TMEM114: variants seen among roughly 807,000 people sequenced by gnomAD.
The protein encoded by TMEM114 is claudin-26.
Under a neutral mutation model 6.2 loss-of-function variants are expected in TMEM114, and 6 were observed. The observed-to-expected ratio is 0.97, with a 90% CI of 0.53 to 1.91. The LOEUF (loss-of-function observed/expected upper bound fraction) is 1.91. TMEM114 is among the 40% of genes most tolerant of loss of function. The pLI, the probability that TMEM114 is intolerant of heterozygous loss-of-function variation, is 0.01. For missense variants in TMEM114, 218 were observed against 158.3 expected, an observed-to-expected ratio of 1.38 and a Z score of -2.02; for synonymous variants, 104 against 73.0, an observed-to-expected ratio of 1.42 and a Z score of -2.16.
chr16:8,556,078 A>T (rs1022787249), intron 2 of TMEM114, among the ~76,000 whole-genome samples: 28 of 152,054 alleles, frequency 1.8e-4, no homozygotes, highest in African/African-American at 6.5e-4. Context: ...TACCATCCAT[A>T]CTCATATTTC....
intron 2 of TMEM114, among the ~76,000 whole-genome samples, chr16:8,551,279 G>T (rs1900835609): frequency 6.6e-6 from 1 of 152,158 alleles, no homozygotes; most frequent in East Asian, 1.9e-4. Flanking sequence ...ATGGCTGCAA[G>T]CAAGACCCTC....
At chr16:8,583,618 C>T (rs13335105) in intron 2 of TMEM114, among the ~76,000 whole-genome samples, 2,137 of 152,146 alleles carry the variant, frequency 0.014, 34 homozygotes, top group African/African-American at 0.048. Context: ...TGTAATGGTG[C>T]ACATCTGTGG....
rs8061046 is a variant in TMEM114 at position 8,552,961 on chromosome 16, C to G, written n.213-15135G>C. Reference sequence around the variant, plus strand: ...TAAGCTGCCTGTATTTAAACTTTCCCCGAGTGATCTCCATCCTTTTATCCA... The same window carrying G: ...TAAGCTGCCTGTATTTAAACTTTCCGCGAGTGATCTCCATCCTTTTATCCA... On this transcript the variant is annotated intron_variant and non_coding_transcript_variant, in intron 2 of 2. Coordinates refer to the TMEM114 transcript ENST00000623677. Among the ~76,000 whole-genome samples, 666 of 152,324 alleles carry G rather than the reference C, an allele frequency of 4.4e-3. 5 individuals carry two copies. The highest frequency in any genetic ancestry group is 0.015 in the African/African-American group (631 of 41,570).
the TMEM114 span, among the ~76,000 whole-genome samples, chr16:8,527,569 T>A: frequency 8.8e-4 from 134 of 152,312 alleles, no homozygotes; most frequent in African/African-American, 3.2e-3. Context: ...GAATTTTGCG[T>A]GTTTTTAGCC....
chr16:8,535,128 T>A (rs1233993805), downstream of TMEM114, among the ~76,000 whole-genome samples: 1 of 152,114 alleles, frequency 6.6e-6, no homozygotes, highest in South Asian at 2.1e-4. Context: ...AGTCTCTGAG[T>A]CTCTGTGTCC....
At chr16:8,548,361 G>C (rs1417449643) in intron 2 of TMEM114, among the ~76,000 whole-genome samples, 1 of 152,170 alleles carries the variant, frequency 6.6e-6, no homozygotes, top group Non-Finnish European at 1.5e-5. Context: ...TGAGTGCCGG[G>C]TGGCACCTCT....
At chr16:8,535,826 G>T (rs1229044377), downstream of TMEM114, among the ~76,000 whole-genome samples, 3 of 152,194 alleles carry the variant, frequency 2.0e-5, no homozygotes, top group East Asian at 5.8e-4. Flanking sequence ...AACACAAAGG[G>T]CTGAGAATCA....
At chr16:8,541,559 A>C (rs1242588090) in intron 2 of TMEM114, among the ~76,000 whole-genome samples, 3 of 150,418 alleles carry the variant, frequency 2.0e-5, no homozygotes, top group Non-Finnish European at 4.4e-5. Context: ...TCATTCTGCT[A>C]CAACATGAAG....
chr16:8,555,762 A>G (rs879643591), intron 2 of TMEM114, among the ~76,000 whole-genome samples: 1 of 152,174 alleles, frequency 6.6e-6, no homozygotes, highest in African/African-American at 2.4e-5. Context: ...TCATAATTGC[A>G]AAGGGGGGAT....
At chr16:8,562,052 GT>G in intron 2 of TMEM114, among the ~76,000 whole-genome samples, 1 of 150,768 alleles carries the variant, frequency 6.6e-6, no homozygotes. Flanking sequence ...GAGTGAGTGA[GT>G]GAATGAGTGA....
chr16:8,535,510 AATT>A (rs1287536535), downstream of TMEM114, among the ~76,000 whole-genome samples: 1 of 152,206 alleles, frequency 6.6e-6, no homozygotes, highest in Non-Finnish European at 1.5e-5. Context: ...GCACAATCAT[AATT>A]GCCAGTTTAT....
At chr16:8,540,005 A>G (rs2141647896) in intron 2 of TMEM114, among the ~76,000 whole-genome samples, 1 of 152,064 alleles carries the variant, frequency 6.6e-6, no homozygotes, top group Non-Finnish European at 1.5e-5. Context: ...TTTAGTAGAG[A>G]TGGGGTTTCA....
downstream of TMEM114, among the ~76,000 whole-genome samples, chr16:8,533,248 A>C (rs1188501541): frequency 6.6e-6 from 1 of 152,248 alleles, no homozygotes; most frequent in Non-Finnish European, 1.5e-5. Context: ...CGATTAGTTC[A>C]AGAATATATC....
intron 2 of TMEM114, among the ~76,000 whole-genome samples, chr16:8,557,846 C>T (rs74007850): frequency 0.12 from 18,061 of 152,196 alleles, 1,514 homozygotes; most frequent in East Asian, 0.36. Flanking sequence ...TTAAAATAAT[C>T]TTGTGATATA....
At chr16:8,564,205 G>T (rs932122683) in intron 2 of TMEM114, among the ~76,000 whole-genome samples, 2 of 143,170 alleles carry the variant, frequency 1.4e-5, no homozygotes, top group African/African-American at 2.7e-5. Context: ...GAGTGAGTGG[G>T]TGAATGAGTG....
rs1309539533 is a variant in TMEM114, at chr16:8,589,609, G to T, written c.220+10C>A. Reference sequence around the variant, plus strand: ...CAGCCACAGCTCCCAGCCACGGGGTGCACCCTTACCCCGGCAGGTCCGCCA... The same window carrying T: ...CAGCCACAGCTCCCAGCCACGGGGTTCACCCTTACCCCGGCAGGTCCGCCA... On this transcript the variant is annotated intron_variant, in intron 1 of 3. Coordinates refer to ENST00000620492, the MANE Select transcript of TMEM114 (RefSeq NM_001146336.2). 2 of 398,412 alleles carry T rather than the reference G, an allele frequency of 5.0e-6. No homozygotes were observed. The highest frequency in any genetic ancestry group is 2.1e-5 in the African/African-American group (1 of 48,616). 24.7% of individuals were successfully genotyped at this position (398,412 alleles called of 1,614,324 possible).
intron 2 of TMEM114, among the ~76,000 whole-genome samples, chr16:8,546,654 G>A (rs1357045544): frequency 6.6e-6 from 1 of 152,154 alleles, no homozygotes; most frequent in African/African-American, 2.4e-5. Context: ...TTTTGTCCCT[G>A]TATCCAACTG....
intron 2 of TMEM114, among the ~76,000 whole-genome samples, chr16:8,580,864 G>C (rs1040290599): frequency 9.2e-5 from 14 of 152,168 alleles, no homozygotes; most frequent in Admixed American, 2.0e-4. Flanking sequence ...CTAATTTTTT[G>C]TATTCTTGGT....
At chr16:8,527,877 G>C in the TMEM114 span, among the ~76,000 whole-genome samples, 1 of 152,026 alleles carries the variant, frequency 6.6e-6, no homozygotes, top group Non-Finnish European at 1.5e-5. Flanking sequence ...CCTAGACTGG[G>C]TCTCTAGTTT....
Sources: allele counts gnomAD v4.1 joint callset (sites outside exome capture counted in the v4.1 genomes callset), GRCh38; gene constraint gnomAD v4.1.1; transcripts MANE v1.5; gene names NCBI Gene and HGNC (gene_info 2026-07-23, HGNC 2026-07-21).